The following SLC25A48 variants were observed in gnomAD, a reference collection of about 807,000 sequenced individuals.
The protein encoded by SLC25A48 is CTC-321K16.1.
A neutral mutation model predicts 32.2 loss-of-function variants in SLC25A48; 29 were observed. The ratio of observed to expected loss-of-function variants is 0.90; its 90% confidence interval spans 0.67 to 1.23. The LOEUF (loss-of-function observed/expected upper bound fraction) is 1.23. SLC25A48 is among the 50% of genes most tolerant of loss of function. The pLI, the probability that SLC25A48 is intolerant of heterozygous loss-of-function variation, is 0.00. For synonymous variants in SLC25A48, 164 were observed against 172.3 expected (o/e 0.95, Z 0.38); for missense variants, 399 against 422.7 (o/e 0.94, Z 0.49).
intron 5 of SLC25A48, among the ~76,000 whole-genome samples, chr5:135,873,446 A>G (rs1352455445): frequency 6.6e-6 from 1 of 151,940 alleles, no homozygotes; most frequent in East Asian, 1.9e-4. Flanking sequence ...AAGAAAAGAG[A>G]TTTTTCAAAA....
chr5:135,659,948 A>C (rs1753353684), intron 3 of SLC25A48, among the ~76,000 whole-genome samples: 1 of 152,236 alleles, frequency 6.6e-6, no homozygotes, highest in Non-Finnish European at 1.5e-5. Context: ...TTCGGGAATT[A>C]CAGTTCAACA....
chr5:135,620,570 G>A lies in SLC25A48; in HGVS notation c.-848-8667G>A, dbSNP rs376796362. ...TACTTCAGCCCCGCAGCAGACTGCA[G>A]GTGGTAATTGCAGGCAGGGGAATTT... On this transcript the variant is annotated intron_variant, in intron 1 of 10. Coordinates refer to the SLC25A48 transcript ENST00000646290. Among the ~76,000 whole-genome samples, 27 of 152,268 alleles carry A rather than the reference G, an allele frequency of 1.8e-4. 1 individual carries two copies. The highest frequency in any genetic ancestry group is 6.3e-4 in the African/African-American group (26 of 41,558).
chr5:135,871,548 G>A lies in SLC25A48; in HGVS notation c.509G>A (p.Arg170Lys), dbSNP rs760264538. ...GTGCACTGCATTACAACCATTGTGA[G>A]GAATGAGGGCCTGGCGGGGCTATAC... ...GPVHCITTIV[R>K]NEGLAGLYRG... The change falls in exon 5 of 8, where the codon AGG (arginine) becomes AAG (lysine). Residue 170 changes from arginine (R) to lysine (K), a missense_variant. By Grantham distance (26) the Arg-to-Lys change is conservative. Coordinates refer to ENST00000681962, the MANE Select transcript of SLC25A48 (RefSeq NM_001349336.2). 1 of 1,614,194 alleles carries A rather than the reference G, an allele frequency of 6.2e-7. No individual in the cohort carries two copies. Among genetic ancestry groups the A allele is most frequent in the South Asian group, 1.1e-5 (1 of 91,086 alleles).
At chr5:135,597,048 A>G (rs1204031550) in intron 1 of SLC25A48, among the ~76,000 whole-genome samples, 1 of 152,212 alleles carries the variant, frequency 6.6e-6, no homozygotes, top group Non-Finnish European at 1.5e-5. Context: ...AAGCCCCAGC[A>G]TAGTGCCTAG....
chr5:135,807,833 G>C (rs1757499528), intron 3 of SLC25A48, among the ~76,000 whole-genome samples: 1 of 150,132 alleles, frequency 6.7e-6, no homozygotes, highest in East Asian at 2.0e-4. Flanking sequence ...TGTTAACACT[G>C]TGTGTTAACT....
chr5:135,581,256 C>T (rs949069533), intron 1 of SLC25A48, among the ~76,000 whole-genome samples: 5 of 152,192 alleles, frequency 3.3e-5, no homozygotes, highest in Non-Finnish European at 7.3e-5. Context: ...AATTTGACTA[C>T]TCCTTGCTGG....
At chr5:135,678,348 A>T (rs11956867) in intron 3 of SLC25A48, among the ~76,000 whole-genome samples, 114,594 of 152,080 alleles carry the variant, frequency 0.75, 43,665 homozygotes, top group Middle Eastern at 0.86. Context: ...TTGTTTAATG[A>T]TTTCATTAGT....
chr5:135,599,462 T>G (rs923318869), intron 1 of SLC25A48, among the ~76,000 whole-genome samples: 2 of 152,162 alleles, frequency 1.3e-5, no homozygotes, highest in Non-Finnish European at 2.9e-5. Flanking sequence ...TCTTCTTCCT[T>G]GGCCATGCAT....
intron 3 of SLC25A48, among the ~76,000 whole-genome samples, chr5:135,735,256 T>A (rs1203541010): frequency 6.6e-6 from 1 of 152,174 alleles, no homozygotes; most frequent in East Asian, 1.9e-4. Context: ...AGGCAAGTAA[T>A]TGTAACTTTT....
chr5:135,816,217 A>T (rs892101708), intron 4 of SLC25A48, among the ~76,000 whole-genome samples: 1 of 152,188 alleles, frequency 6.6e-6, no homozygotes, highest in Admixed American at 6.5e-5. Context: ...CTCCCTCAAC[A>T]TGTGGGGATT....
At chr5:135,850,932 C>T (rs978767089) in intron 3 of SLC25A48, among the ~76,000 whole-genome samples, 42 of 152,246 alleles carry the variant, frequency 2.8e-4, no homozygotes, top group Middle Eastern at 3.4e-3. Flanking sequence ...TTAGACCATG[C>T]GACCTGAGGT....
chr5:135,725,132 C>G (rs1360405436), intron 3 of SLC25A48, among the ~76,000 whole-genome samples: 1 of 152,258 alleles, frequency 6.6e-6, no homozygotes, highest in Non-Finnish European at 1.5e-5. Flanking sequence ...GGAACAGAGA[C>G]AGCTTTTGCT....
chr5:135,655,991 C>T (rs997509979), intron 3 of SLC25A48, among the ~76,000 whole-genome samples: 2 of 152,108 alleles, frequency 1.3e-5, no homozygotes, highest in African/African-American at 4.8e-5. Flanking sequence ...CAATTTTGAC[C>T]CCGTTTGCCA....
intron 3 of SLC25A48, among the ~76,000 whole-genome samples, chr5:135,660,633 T>C (rs563575291): frequency 6.6e-6 from 1 of 152,024 alleles, no homozygotes; most frequent in South Asian, 2.1e-4. Flanking sequence ...ATGACTCAGG[T>C]TTTTTTTGTA....
intron 3 of SLC25A48, among the ~76,000 whole-genome samples, chr5:135,705,769 C>A (rs1003697943): frequency 1.3e-5 from 2 of 152,202 alleles, no homozygotes; most frequent in African/African-American, 4.8e-5. Flanking sequence ...ATTTCACCTG[C>A]AGCATGAGGA....
At chr5:135,731,773 A>G (rs1755230394) in intron 3 of SLC25A48, among the ~76,000 whole-genome samples, 1 of 152,254 alleles carries the variant, frequency 6.6e-6, no homozygotes, top group African/African-American at 2.4e-5. Context: ...GAGGTTCAGC[A>G]TGGCCCTGCC....
chr5:135,630,588 C>CTTTT (rs869088370), intron 2 of SLC25A48, among the ~76,000 whole-genome samples: 2,376 of 58,948 alleles, frequency 0.04, 465 homozygotes, highest in Non-Finnish European at 0.051. Context: ...GGCTGGGCAC[C>CTTTT]TTTTTTTTTT....
chr5:135,723,380 T>TCTCTCACA (rs1356362581), intron 3 of SLC25A48, among the ~76,000 whole-genome samples: 1,133 of 111,710 alleles, frequency 0.01, 22 homozygotes, highest in African/African-American at 0.036. Flanking sequence ...TCTCTCTCTC[T>TCTCTCACA]CACACACACA....
intron 4 of SLC25A48, among the ~76,000 whole-genome samples, chr5:135,818,593 A>C (rs1757796055): frequency 6.6e-6 from 1 of 152,204 alleles, no homozygotes; most frequent in South Asian, 2.1e-4. Context: ...TGATTTCCTG[A>C]TAAAGCTAAA....
Sources: gnomAD v4.1 joint callset for allele counts (sites outside exome capture counted in the v4.1 genomes callset) on GRCh38, gnomAD v4.1.1 for gene constraint, MANE v1.5 for transcripts, NCBI Gene and HGNC (gene_info 2026-07-23, HGNC 2026-07-21) for gene names.